Variants in CHST10 observed in about 807,000 individuals in gnomAD.
The protein encoded by CHST10 is HNK-1 sulfotransferase.
Under a neutral mutation model 34.7 loss-of-function variants are expected in CHST10, and 24 were observed. That is an observed-to-expected ratio of 0.69 (90% confidence interval 0.50 to 0.97). The LOEUF (loss-of-function observed/expected upper bound fraction) is 0.97. Among genes scored for constraint, CHST10 ranks in the 50% least tolerant of loss-of-function variants. The pLI is 0.00. For synonymous variants in CHST10, 161 were observed against 169.3 expected (o/e 0.95, Z 0.38); for missense variants, 402 against 452.1 (o/e 0.89, Z 1.00).
intron 2 of CHST10, among the ~76,000 whole-genome samples, chr2:100,414,719 T>C (rs1675993943): frequency 6.6e-6 from 1 of 152,062 alleles, no homozygotes; most frequent in South Asian, 2.1e-4. Context: ...CACCCTTAGT[T>C]AGGAGAATGA....
At chr2:100,395,247 G>T (rs2104308340) in intron 6 of CHST10, among the ~76,000 whole-genome samples, 1 of 152,332 alleles carries the variant, frequency 6.6e-6, no homozygotes, top group South Asian at 2.1e-4. Context: ...AAAGTTGCCT[G>T]CTAATTTCTA....
At chr2:100,406,518 C>A in intron 3 of CHST10, 58 bp downstream of exon 3, 1 of 1,601,710 alleles carries the variant, frequency 6.2e-7, no homozygotes, top group Non-Finnish European at 8.5e-7. Context: ...TACCTAGGAA[C>A]AGTGTTGCAG....
At chr2:100,413,817 TGC>T (rs375805543) in intron 2 of CHST10, among the ~76,000 whole-genome samples, 54 of 152,308 alleles carry the variant, frequency 3.5e-4, no homozygotes, top group African/African-American at 1.3e-3. Context: ...ACTTTTAATA[TGC>T]GCATTCACTT....
In CHST10 at chr2:100,402,278, C is replaced by T. The variant is rs186430470; in HGVS notation, c.192+286G>A. Among the ~76,000 whole-genome samples the T allele has an allele frequency of 1.5e-3, 222 of 152,298 alleles. 2 individuals are homozygous for T. Among genetic ancestry groups the T allele is most frequent in the South Asian group, 6.2e-4 (3 of 4,832 alleles). On this transcript the variant is annotated intron_variant, in intron 4 of 6. Coordinates refer to ENST00000264249, the MANE Select transcript of CHST10 (RefSeq NM_004854.5). ...TCCTCCTGACCCTGCCCAATACTCTCGGCTCCCCAGGCAAGGCTCATGTTC... is the reference window on the plus strand; with the variant it reads ...TCCTCCTGACCCTGCCCAATACTCTTGGCTCCCCAGGCAAGGCTCATGTTC...
At chr2:100,406,852 T>C (rs1472148044) in intron 2 of CHST10, 145 bp from the exon 3 acceptor site, 18 of 919,224 alleles carry the variant, frequency 2.0e-5, no homozygotes, top group Admixed American at 3.0e-5. Flanking sequence ...TAGTTTGACT[T>C]GGCATTTAAC....
rs558325085 is a variant in CHST10, at chr2:100,395,427, A to G, written c.533+82T>C. On this transcript the variant is annotated intron_variant, in intron 6 of 6. Transcript: ENST00000264249. ...GTCCTCCGATCAATCTGCCAAGTAC[A>G]GAACTCAGCCTGGGGTTTTCCCCAA... 7.3e-6 allele frequency: 9 copies of G among 1,240,802 alleles called. No homozygotes were observed. The South Asian group carries it at 1.0e-4, about 14-fold the overall frequency. 76.9% of individuals were successfully genotyped at this position (1,240,802 alleles called of 1,614,324 possible). A position where few individuals can be genotyped will look rare whatever the true frequency, so the allele number is the denominator to read the frequency against.
At chr2:100,396,800 C>A (rs962676101) in intron 5 of CHST10, among the ~76,000 whole-genome samples, 2 of 152,162 alleles carry the variant, frequency 1.3e-5, no homozygotes, top group Non-Finnish European at 2.9e-5. Context: ...TCTATGCTGC[C>A]CTTCTAAGTG....
intron 4 of CHST10, 104 bp downstream of exon 4, chr2:100,402,460 C>G (rs190046237): frequency 9.5e-6 from 8 of 844,844 alleles, no homozygotes; most frequent in Non-Finnish European, 1.6e-5. Context: ...AAGGCTCTAA[C>G]GCAGACGTGA....
chr2:100,409,029 A>G (rs1166736104), intron 2 of CHST10, among the ~76,000 whole-genome samples: 1 of 152,084 alleles, frequency 6.6e-6, no homozygotes, highest in Non-Finnish European at 1.5e-5. Flanking sequence ...GATCAGTGCT[A>G]TGAAAAAGGG....
At chr2:100,412,108 C>A (rs1675867908) in intron 2 of CHST10, among the ~76,000 whole-genome samples, 1 of 152,296 alleles carries the variant, frequency 6.6e-6, no homozygotes, top group African/African-American at 2.4e-5. Flanking sequence ...AATTTTGAAA[C>A]AGTTTCTTCA....
At chr2:100,410,920 A>C (rs1558645829) in intron 2 of CHST10, among the ~76,000 whole-genome samples, 1 of 152,160 alleles carries the variant, frequency 6.6e-6, no homozygotes. Flanking sequence ...GTAAACAAAA[A>C]AGACAAGTTG....
intron 4 of CHST10, among the ~76,000 whole-genome samples, chr2:100,398,869 T>C (rs569506082): frequency 6.6e-6 from 1 of 152,268 alleles, no homozygotes; most frequent in South Asian, 2.1e-4. Flanking sequence ...TGTGTGTGCA[T>C]GGGTTGGAGG....
intron 2 of CHST10, among the ~76,000 whole-genome samples, chr2:100,409,503 G>A (rs1034014462): frequency 6.6e-6 from 1 of 152,046 alleles, no homozygotes; most frequent in African/African-American, 2.4e-5. Context: ...GCTGGGCGGG[G>A]GGTCAGGGGC....
chr2:100,406,748 C>T (rs2104214887), intron 2 of CHST10, 41 bp from the exon 3 acceptor site: 1 of 1,563,858 alleles, frequency 6.4e-7, no homozygotes, highest in Non-Finnish European at 8.7e-7. Context: ...CTTACAAATA[C>T]ATCAAGTCAA....
intron 6 of CHST10, among the ~76,000 whole-genome samples, chr2:100,394,852 T>A (rs1674977646): frequency 6.6e-6 from 1 of 151,696 alleles, no homozygotes; most frequent in African/African-American, 2.4e-5. Context: ...GCCTCCTGAG[T>A]AGCTAGGACT....
At chr2:100,416,693 A>ACAACAG (rs1164999676) in intron 1 of CHST10, 1 of 327,716 alleles carries the variant, frequency 3.1e-6, no homozygotes, top group African/African-American at 2.2e-5. Flanking sequence ...AGACAAAACA[A>ACAACAG]CAACAACAAC....
intron 3 of CHST10, among the ~76,000 whole-genome samples, chr2:100,404,804 A>G (rs1312634865): frequency 5.9e-5 from 9 of 152,362 alleles, no homozygotes; most frequent in Admixed American, 5.9e-4. Context: ...TACTTTTTTA[A>G]GCAAAATAAA....
In CHST10 at chr2:100,393,754, C is replaced by A; in HGVS notation, c.562G>T (p.Val188Leu). The A allele has an allele frequency of 6.2e-7, 1 of 1,610,060 alleles. No homozygotes were observed. Among genetic ancestry groups the A allele is most frequent in the Non-Finnish European group, 8.5e-7 (1 of 1,179,162 alleles). Residue 188 changes from valine (V) to leucine (L), a missense_variant, in exon 7 of 7, where the codon GTA becomes TTA. By Grantham distance (32) the Val-to-Leu change is conservative (BLOSUM62 1). Transcript: ENST00000264249. ...ATAAGTCTTTCGAAGGGATCTCTTACAATAAAAAACTTGAAGTATGTTTTC... is the reference window on the plus strand; with the variant it reads ...ATAAGTCTTTCGAAGGGATCTCTTAAAATAAAAAACTTGAAGTATGTTTTC... Reference protein sequence around the residue: ...RLKTYFKFFIVRDPFERLISA... With the variant: ...RLKTYFKFFILRDPFERLISA...
At chr2:100,417,188 A>G in intron 1 of CHST10, 186 bp downstream of exon 1, 1 of 585,996 alleles carries the variant, frequency 1.7e-6, no homozygotes, top group East Asian at 6.9e-5. Flanking sequence ...CTTATTGCAT[A>G]ATTAACGCGA....
Sources: allele counts gnomAD v4.1 joint callset (sites outside exome capture counted in the v4.1 genomes callset), GRCh38; gene constraint gnomAD v4.1.1; transcripts MANE v1.5; gene names NCBI Gene and HGNC (gene_info 2026-07-23, HGNC 2026-07-21).